The following IMMP2L variants were observed in gnomAD, a reference collection of about 807,000 sequenced individuals.
The protein encoded by IMMP2L is mitochondrial inner membrane protease subunit 2.
IMMP2L carries 18 observed loss-of-function variants against 19.3 expected under a neutral mutation model. The ratio of observed to expected loss-of-function variants is 0.93; its 90% CI spans 0.64 to 1.38. The LOEUF (loss-of-function observed/expected upper bound fraction) is 1.38, where lower values mean the gene tolerates loss of function less well. IMMP2L is among the 40% of genes most tolerant of loss of function. The probability of loss-of-function intolerance (pLI) is 0.00; values close to 1 mark genes in which losing one functional copy is unlikely to be tolerated. For synonymous variants in IMMP2L, 76 were observed against 73.0 expected (o/e 1.04, Z -0.21); for missense variants, 233 against 218.2 (o/e 1.07, Z -0.43).
intron 4 of IMMP2L, among the ~76,000 whole-genome samples, chr7:110,913,210 T>C (rs556909414): frequency 6.6e-6 from 1 of 152,152 alleles, no homozygotes; most frequent in East Asian, 1.9e-4. Flanking sequence ...TAATAACCAC[T>C]GGGTACTGGA....
At chr7:111,240,378 A>G (rs1240829785) in intron 3 of IMMP2L, among the ~76,000 whole-genome samples, 1 of 151,974 alleles carries the variant, frequency 6.6e-6, no homozygotes, top group Non-Finnish European at 1.5e-5. Context: ...TACACATAAG[A>G]AAAAATAGGC....
At chr7:111,530,657 T>C (rs1222185002) in intron 1 of IMMP2L, among the ~76,000 whole-genome samples, 1 of 151,182 alleles carries the variant, frequency 6.6e-6, no homozygotes, top group African/African-American at 2.4e-5. Flanking sequence ...GGAAGAAAAC[T>C]GGAATTACAG....
chr7:111,076,526 C>T (rs922159266), intron 3 of IMMP2L, among the ~76,000 whole-genome samples: 11 of 152,146 alleles, frequency 7.2e-5, no homozygotes, highest in African/African-American at 2.7e-4. Flanking sequence ...CAGCAACCTC[C>T]TGAATGACTC....
chr7:110,895,726 T>C (rs907977969), intron 4 of IMMP2L, among the ~76,000 whole-genome samples: 9 of 152,328 alleles, frequency 5.9e-5, no homozygotes, highest in Admixed American at 1.3e-4. Context: ...ACTGATAGCA[T>C]AACTGTCTTG....
In IMMP2L at chr7:110,974,391, A is replaced by G. The variant is rs570773105; in HGVS notation, c.240-10826T>C. Among the ~76,000 whole-genome samples, 4 of 152,264 alleles carry G rather than the reference A, an allele frequency of 2.6e-5. No individual in the cohort carries two copies. The South Asian group carries it at 8.3e-4, about 32-fold the overall frequency. On this transcript the variant is annotated intron_variant, in intron 3 of 5. Coordinates refer to ENST00000405709, the MANE Select transcript of IMMP2L (RefSeq NM_032549.4). ...TGGCACCATGCTTTGGAATGACCAC[A>G]TGGATAGATATTTTGATTTACATAA...
chr7:111,171,237 G>A (rs1182498773), intron 3 of IMMP2L, among the ~76,000 whole-genome samples: 1 of 151,506 alleles, frequency 6.6e-6, no homozygotes, highest in Admixed American at 6.6e-5. Context: ...GAGGATATGT[G>A]GTGCACACCA....
chr7:111,229,840 T>C (rs558182388), intron 3 of IMMP2L, among the ~76,000 whole-genome samples: 1 of 152,044 alleles, frequency 6.6e-6, no homozygotes, highest in Non-Finnish European at 1.5e-5. Flanking sequence ...TGCCCAAATA[T>C]GTGGGAATGT....
chr7:111,177,900 A>G (rs938986395), intron 3 of IMMP2L, among the ~76,000 whole-genome samples: 20 of 152,088 alleles, frequency 1.3e-4, no homozygotes, highest in African/African-American at 4.8e-4. Flanking sequence ...TGGCTTCCAC[A>G]TTCCCTGTGT....
chr7:110,871,050 A>G (rs1808492843), intron 5 of IMMP2L, among the ~76,000 whole-genome samples: 1 of 152,038 alleles, frequency 6.6e-6, no homozygotes, highest in Non-Finnish European at 1.5e-5. Context: ...ACGTTGGTGG[A>G]AGAGTAAAAG....
At chr7:111,193,151 T>C (rs1809082832) in intron 3 of IMMP2L, among the ~76,000 whole-genome samples, 1 of 152,150 alleles carries the variant, frequency 6.6e-6, no homozygotes, top group Admixed American at 6.5e-5. Flanking sequence ...ATTTCCTCTT[T>C]TGTTTATTTC....
intron 3 of IMMP2L, among the ~76,000 whole-genome samples, chr7:111,242,529 G>C (rs1054072146): frequency 2.6e-5 from 4 of 152,034 alleles, no homozygotes; most frequent in Non-Finnish European, 2.9e-5. Flanking sequence ...AAAATCCAAT[G>C]AGCTACAAAA....
chr7:111,154,330 G>T (rs2129603918), intron 3 of IMMP2L, among the ~76,000 whole-genome samples: 1 of 151,690 alleles, frequency 6.6e-6, no homozygotes, highest in Non-Finnish European at 1.5e-5. Context: ...ACATAATAAG[G>T]GTAGATAGGC....
At chr7:111,421,614 A>G (rs1469956930) in intron 3 of IMMP2L, among the ~76,000 whole-genome samples, 3 of 151,452 alleles carry the variant, frequency 2.0e-5, no homozygotes, top group Admixed American at 6.6e-5. Flanking sequence ...TAGATTCTGG[A>G]TATTAGCCCT....
intron 3 of IMMP2L, among the ~76,000 whole-genome samples, chr7:111,384,394 G>A (rs1831531624): frequency 6.6e-6 from 1 of 152,036 alleles, no homozygotes; most frequent in Non-Finnish European, 1.5e-5. Context: ...AGGAAATCAG[G>A]TAGAGATTGC....
intron 3 of IMMP2L, among the ~76,000 whole-genome samples, chr7:111,068,747 A>G (rs1794714613): frequency 6.6e-6 from 1 of 152,210 alleles, no homozygotes; most frequent in Non-Finnish European, 1.5e-5. Flanking sequence ...AAATGTAAAT[A>G]CAGAAAATAG....
At chr7:111,546,184 T>C (rs1848913760) in intron 1 of IMMP2L, among the ~76,000 whole-genome samples, 1 of 152,084 alleles carries the variant, frequency 6.6e-6, no homozygotes, top group East Asian at 1.9e-4. Flanking sequence ...TTCACACAAT[T>C]ACAGGATCTA....
rs551630911 is a variant in IMMP2L at position 110,662,828 on chromosome 7, T to C, written c.*774A>G. The stretch of plus-strand genomic sequence containing the variant: ...ATTTCACTCAGAACTTTTAAACACA[T>C]AGTATGACTAAATGCGGATAAAGGG... On this transcript the variant is annotated 3_prime_UTR_variant, in exon 6 of 6. Transcript: ENST00000405709. Among the ~76,000 whole-genome samples, 4 of 152,254 alleles carry C rather than the reference T, an allele frequency of 2.6e-5. No individual in the cohort carries two copies. Among genetic ancestry groups the C allele is most frequent in the African/African-American group, 9.6e-5 (4 of 41,522 alleles).
At chr7:111,257,216 G>C (rs1269263551) in intron 3 of IMMP2L, among the ~76,000 whole-genome samples, 1 of 151,902 alleles carries the variant, frequency 6.6e-6, no homozygotes, top group African/African-American at 2.4e-5. Flanking sequence ...TACTAAAAGA[G>C]CCATCTTAAT....
At chr7:110,754,079 C>T (rs1249051155) in intron 5 of IMMP2L, among the ~76,000 whole-genome samples, 1 of 151,804 alleles carries the variant, frequency 6.6e-6, no homozygotes, top group Non-Finnish European at 1.5e-5. Context: ...TTTTCCTGTC[C>T]TCTTTTCAAG....
Sources: allele counts gnomAD v4.1 joint callset (sites outside exome capture counted in the v4.1 genomes callset), GRCh38; gene constraint gnomAD v4.1.1; transcripts MANE v1.5; gene names NCBI Gene and HGNC (gene_info 2026-07-23, HGNC 2026-07-21).